Variants in CSNK1G1 observed in about 807,000 individuals in gnomAD.
CSNK1G1 encodes the protein casein kinase I isoform gamma-1.
A neutral mutation model predicts 59.6 loss-of-function variants in CSNK1G1; 22 were observed. That is an observed-to-expected ratio of 0.37 (90% CI 0.26 to 0.53). The LOEUF (loss-of-function observed/expected upper bound fraction) is 0.53. CSNK1G1 is among the 20% of genes least tolerant of loss of function. The probability of loss-of-function intolerance (pLI) is 0.89; values close to 1 mark genes in which losing one functional copy is unlikely to be tolerated. For missense variants in CSNK1G1, 384 were observed against 519.5 expected, an observed-to-expected ratio of 0.74 and a Z score of 2.54; for synonymous variants, 179 against 177.1, an observed-to-expected ratio of 1.01 and a Z score of -0.08.
At chr15:64,269,495 T>A (rs1387307992) in intron 2 of CSNK1G1, among the ~76,000 whole-genome samples, 1 of 149,306 alleles carries the variant, frequency 6.7e-6, no homozygotes, top group Non-Finnish European at 1.5e-5. Context: ...GATGGCTATT[T>A]TTTTTTTTTT....
intron 2 of CSNK1G1, among the ~76,000 whole-genome samples, chr15:64,262,717 T>A (rs1892758830): frequency 6.6e-6 from 1 of 152,198 alleles, no homozygotes; most frequent in African/African-American, 2.4e-5. Flanking sequence ...AAGATTTGGA[T>A]AAAGTCTTTT....
chr15:64,277,850 A>ATATTAATATTGATATATTTAATC (rs1444325302), intron 2 of CSNK1G1, among the ~76,000 whole-genome samples: 201 of 135,938 alleles, frequency 1.5e-3, no homozygotes, highest in South Asian at 6.0e-3. Flanking sequence ...TATATTTAAT[A>ATATTAATATTGATATATTTAATC]ATAATATTGA....
chr15:64,202,700 G>A (rs1359489913), intron 10 of CSNK1G1, among the ~76,000 whole-genome samples: 9 of 152,026 alleles, frequency 5.9e-5, no homozygotes, highest in South Asian at 2.1e-4. Flanking sequence ...CTATAGGCAC[G>A]TGCCACCATG....
At position 64,197,117 on chromosome 15, in the gene CSNK1G1, G is replaced by A. The variant is rs147098563; in HGVS notation, c.1107+5965C>T. Among the ~76,000 whole-genome samples the A allele has an allele frequency of 1.2e-3, 179 of 152,250 alleles. 1 individual carries two copies. The highest frequency in any genetic ancestry group is 3.4e-3 in the Middle Eastern group (1 of 294). ...CAACAAAAACCTCTGCTCTTACAAG[G>A]CTCCAATTTGAGAATGCTGACACCC... On this transcript the variant is annotated intron_variant, in intron 10 of 11. Transcript: ENST00000303052.
intron 2 of CSNK1G1, chr15:64,265,691 T>C: frequency 2.8e-6 from 1 of 354,504 alleles, no homozygotes; most frequent in Non-Finnish European, 5.5e-6. Context: ...AGGAATAAAT[T>C]CAACCAAAGG....
chr15:64,187,677 T>C (rs1419356414), intron 10 of CSNK1G1, among the ~76,000 whole-genome samples: 2 of 152,358 alleles, frequency 1.3e-5, no homozygotes, highest in South Asian at 2.1e-4. Flanking sequence ...TAAGAATTTA[T>C]GTTTGACAGC....
At chr15:64,236,139 T>A (rs2082612139) in intron 4 of CSNK1G1, among the ~76,000 whole-genome samples, 2 of 95,052 alleles carry the variant, frequency 2.1e-5, no homozygotes, top group Non-Finnish European at 3.7e-5. Flanking sequence ...TGAGACTCCA[T>A]CTCAAAAAAA....
intron 1 of CSNK1G1, among the ~76,000 whole-genome samples, chr15:64,318,810 C>G (rs1249325743): frequency 1.3e-5 from 2 of 151,900 alleles, no homozygotes; most frequent in South Asian, 4.1e-4. Flanking sequence ...GAGGTTTCAC[C>G]ATGTTGGCCG....
chr15:64,282,565 G>C (rs1894198965), intron 2 of CSNK1G1, among the ~76,000 whole-genome samples: 1 of 152,104 alleles, frequency 6.6e-6, no homozygotes, highest in African/African-American at 2.4e-5. Context: ...CAAAATCAAT[G>C]GTCTTTTTGT....
intron 2 of CSNK1G1, among the ~76,000 whole-genome samples, chr15:64,264,036 A>T (rs1892849361): frequency 6.6e-6 from 1 of 152,158 alleles, no homozygotes; most frequent in Non-Finnish European, 1.5e-5. Flanking sequence ...AGTAGGTAAG[A>T]GATGCTAAAG....
chr15:64,198,113 T>TAG (rs1037324823), intron 10 of CSNK1G1, among the ~76,000 whole-genome samples: 7 of 152,020 alleles, frequency 4.6e-5, no homozygotes, highest in African/African-American at 1.2e-4. Context: ...CCTTGTGTTA[T>TAG]AGTTATCTGT....
intron 1 of CSNK1G1, among the ~76,000 whole-genome samples, chr15:64,320,262 G>T (rs1896489429): frequency 6.6e-6 from 1 of 151,992 alleles, no homozygotes; most frequent in Non-Finnish European, 1.5e-5. Context: ...TTAATGAAGA[G>T]GTTACAACGC....
At chr15:64,201,751 T>TGTGTGTGTGTGTG (rs1555499642) in intron 10 of CSNK1G1, among the ~76,000 whole-genome samples, 2 of 142,340 alleles carry the variant, frequency 1.4e-5, no homozygotes, top group Non-Finnish European at 3.0e-5. Flanking sequence ...TGTGTGTGTG[T>TGTGTGTGTGTGTG]TTATATACTA....
intron 1 of CSNK1G1, among the ~76,000 whole-genome samples, chr15:64,312,152 C>T (rs1181051711): frequency 1.3e-5 from 2 of 152,112 alleles, no homozygotes; most frequent in Non-Finnish European, 2.9e-5. Flanking sequence ...GAGGAAGAAT[C>T]AATATCACGA....
chr15:64,288,551 T>C (rs907438569), intron 2 of CSNK1G1, among the ~76,000 whole-genome samples: 24 of 137,980 alleles, frequency 1.7e-4, no homozygotes, highest in African/African-American at 6.0e-4. Context: ...TTTATAAAGT[T>C]ATATATATAT....
chr15:64,295,405 T>G (rs1196703713), intron 2 of CSNK1G1, among the ~76,000 whole-genome samples: 1 of 152,216 alleles, frequency 6.6e-6, no homozygotes, highest in African/African-American at 2.4e-5. Flanking sequence ...TTAGTCATCT[T>G]TGACTTCTTC....
chr15:64,278,379 T>TGTGC (rs1893890250), intron 2 of CSNK1G1, among the ~76,000 whole-genome samples: 1 of 63,100 alleles, frequency 1.6e-5, no homozygotes, highest in Admixed American at 1.5e-4. Flanking sequence ...TGTATGTGCG[T>TGTGC]GTGTGTGTGT....
intron 4 of CSNK1G1, among the ~76,000 whole-genome samples, chr15:64,234,101 G>A (rs2082583853): frequency 1.3e-5 from 2 of 152,040 alleles, no homozygotes; most frequent in Non-Finnish European, 2.9e-5. Context: ...ATACTGATCA[G>A]GTTCTTGCTA....
chr15:64,215,288 C>CTTGGAAA (rs2082297277), intron 5 of CSNK1G1, among the ~76,000 whole-genome samples: 1 of 138,682 alleles, frequency 7.2e-6, no homozygotes, highest in Non-Finnish European at 1.5e-5. Context: ...TCTCGGCTCA[C>CTTGGAAA]TGCAAGCTCC....
Sources: allele counts gnomAD v4.1 joint callset (sites outside exome capture counted in the v4.1 genomes callset), GRCh38; gene constraint gnomAD v4.1.1; transcripts MANE v1.5; gene names NCBI Gene and HGNC (gene_info 2026-07-23, HGNC 2026-07-21).